PRELID2: variants seen among roughly 807,000 people sequenced by gnomAD.
PRELID2 encodes the protein PRELI domain containing 2.
In PRELID2, 25 loss-of-function variants were observed where a neutral mutation model predicts 28.4. That is an observed-to-expected ratio of 0.88 (90% CI 0.64 to 1.23). The LOEUF (loss-of-function observed/expected upper bound fraction) is 1.23. Ranked by LOEUF, PRELID2 falls within the 50% of genes most tolerant of loss-of-function variation. PRELID2 has a pLI of 0.00. For synonymous variants in PRELID2, 76 were observed against 71.6 expected (o/e 1.06, Z -0.31); for missense variants, 201 against 214.4 (o/e 0.94, Z 0.39).
At chr5:145,740,857 C>CAT (rs561214019) in intron 1 of PRELID2, among the ~76,000 whole-genome samples, 3 of 32,536 alleles carry the variant, frequency 9.2e-5, no homozygotes, top group African/African-American at 4.4e-4. Flanking sequence ...TATATATGTA[C>CAT]ATATATTTAT....
intron 5 of PRELID2, among the ~76,000 whole-genome samples, chr5:145,787,933 CAA>C (rs1367056395): frequency 0.031 from 4,735 of 152,074 alleles, 223 homozygotes; most frequent in African/African-American, 0.11. Flanking sequence ...GTGAAAAGAG[CAA>C]TTAGGGGAAA....
chr5:145,595,529 C>T (rs1232620545), intron 1 of PRELID2, among the ~76,000 whole-genome samples: 1 of 152,188 alleles, frequency 6.6e-6, no homozygotes, highest in African/African-American at 2.4e-5. Flanking sequence ...TCATTTAACA[C>T]CTCAGTGTGC....
chr5:145,607,169 CTTAT>C (rs1753517688), intron 1 of PRELID2, among the ~76,000 whole-genome samples: 1 of 151,968 alleles, frequency 6.6e-6, no homozygotes, highest in South Asian at 2.1e-4. Flanking sequence ...GCCTATCAAT[CTTAT>C]TTATTCTTTC....
intron 1 of PRELID2, among the ~76,000 whole-genome samples, chr5:145,562,553 CA>C (rs1232436698): frequency 6.6e-6 from 1 of 152,004 alleles, no homozygotes; most frequent in African/African-American, 2.4e-5. Context: ...CATGTGGAGT[CA>C]AAATTTGGTG....
the PRELID2 span, among the ~76,000 whole-genome samples, chr5:145,270,329 T>A: frequency 6.6e-6 from 1 of 152,068 alleles, no homozygotes; most frequent in African/African-American, 2.4e-5. Flanking sequence ...AGCATTCAGG[T>A]GTGCATCAAT....
At chr5:145,403,037 A>G in the PRELID2 span, among the ~76,000 whole-genome samples, 1 of 152,148 alleles carries the variant, frequency 6.6e-6, no homozygotes, top group Non-Finnish European at 1.5e-5. Context: ...TCCTTGAGCC[A>G]CTAGACCCAC....
chr5:145,241,627 G>T, the PRELID2 span, among the ~76,000 whole-genome samples: 22 of 151,192 alleles, frequency 1.5e-4, no homozygotes, highest in Non-Finnish European at 2.8e-4. Context: ...GAAATCCACT[G>T]TAGAAAATCT....
chr5:145,241,014 G>A, the PRELID2 span, among the ~76,000 whole-genome samples: 47 of 151,886 alleles, frequency 3.1e-4, no homozygotes, highest in South Asian at 1.0e-3. Flanking sequence ...GGGCTTCAGC[G>A]TCCTCATCTG....
At chr5:145,711,362 C>A (rs567220719) in intron 1 of PRELID2, among the ~76,000 whole-genome samples, 1 of 152,248 alleles carries the variant, frequency 6.6e-6, no homozygotes, top group East Asian at 1.9e-4. Context: ...ATAGTGAGCT[C>A]CTGCTAGGAG....
chr5:145,256,004 C>T, the PRELID2 span, among the ~76,000 whole-genome samples: 2 of 151,746 alleles, frequency 1.3e-5, no homozygotes, highest in Admixed American at 6.6e-5. Flanking sequence ...TTTGTTGCTG[C>T]TGTAGAAAAT....
intron 1 of PRELID2, among the ~76,000 whole-genome samples, chr5:145,496,199 G>A (rs879866238): frequency 6.6e-6 from 1 of 151,998 alleles, no homozygotes; most frequent in Non-Finnish European, 1.5e-5. Flanking sequence ...ACACAAATAA[G>A]GACAATATAC....
At chr5:145,764,699 A>G (rs984361542) in intron 6 of PRELID2, among the ~76,000 whole-genome samples, 1 of 152,240 alleles carries the variant, frequency 6.6e-6, no homozygotes, top group Non-Finnish European at 1.5e-5. Flanking sequence ...AACAGTTTTA[A>G]CAATTTGAAT....
At chr5:145,649,299 G>C (rs991832806) in intron 1 of PRELID2, among the ~76,000 whole-genome samples, 1 of 152,014 alleles carries the variant, frequency 6.6e-6, no homozygotes, top group African/African-American at 2.4e-5. Context: ...TGGAGGGGCG[G>C]GATCCGGAAC....
the PRELID2 span, among the ~76,000 whole-genome samples, chr5:145,417,500 T>C: frequency 1.3e-5 from 2 of 152,096 alleles, no homozygotes; most frequent in Non-Finnish European, 1.5e-5. Flanking sequence ...AACTTCTCAA[T>C]AAAATACTGG....
chr5:145,645,745 A>C (rs1219021449), intron 1 of PRELID2, among the ~76,000 whole-genome samples: 1 of 152,082 alleles, frequency 6.6e-6, no homozygotes, highest in Non-Finnish European at 1.5e-5. Flanking sequence ...ACAATCTCTC[A>C]GCATTTGTTT....
chr5:145,550,295 C>T (rs946959223), intron 1 of PRELID2, among the ~76,000 whole-genome samples: 1 of 152,250 alleles, frequency 6.6e-6, no homozygotes, highest in South Asian at 2.1e-4. Context: ...GTGGCCAGAA[C>T]ATAATGAGCA....
the PRELID2 span, among the ~76,000 whole-genome samples, chr5:145,404,611 C>A: frequency 7.9e-5 from 12 of 152,214 alleles, no homozygotes; most frequent in East Asian, 1.9e-4. Context: ...CAGTCACTTG[C>A]ATATCTTTCA....
chr5:145,548,720 T>C (rs1752807712), intron 1 of PRELID2, among the ~76,000 whole-genome samples: 1 of 152,194 alleles, frequency 6.6e-6, no homozygotes, highest in Non-Finnish European at 1.5e-5. Flanking sequence ...TCTGAGCTCT[T>C]GCTGCACCTT....
chr5:145,457,486 T>A, the PRELID2 span, among the ~76,000 whole-genome samples: 2 of 152,206 alleles, frequency 1.3e-5, no homozygotes, highest in Non-Finnish European at 2.9e-5. Flanking sequence ...GACATGATTA[T>A]GTATCAGTCT....
Sources: gnomAD v4.1 joint callset for allele counts (sites outside exome capture counted in the v4.1 genomes callset) on GRCh38, gnomAD v4.1.1 for gene constraint, MANE v1.5 for transcripts, NCBI Gene and HGNC (gene_info 2026-07-23, HGNC 2026-07-21) for gene names.